Variants in CNOT6L observed in about 807,000 individuals in gnomAD.
CNOT6L encodes the protein CCR4-NOT transcription complex subunit 6-like.
Under a neutral mutation model 64.0 loss-of-function variants are expected in CNOT6L, and 7 were observed. The ratio of observed to expected loss-of-function variants is 0.11; its 90% CI spans 0.06 to 0.21. The LOEUF is 0.21. Among genes scored for constraint, CNOT6L ranks in the 10% least tolerant of loss-of-function variants. The pLI, the probability that CNOT6L is intolerant of heterozygous loss-of-function variation, is 1.00. For synonymous variants in CNOT6L, 193 were observed against 243.4 expected (o/e 0.79, Z 1.93); for missense variants, 245 against 669.0 (o/e 0.37, Z 6.99).
At chr4:77,731,262 C>G (rs1722416358) in intron 9 of CNOT6L, 125 bp downstream of exon 9, 2 of 835,946 alleles carry the variant, frequency 2.4e-6, no homozygotes, top group South Asian at 1.7e-5. Context: ...GCCCATCTCC[C>G]TTAACTTTCC....
chr4:77,776,997 CAG>C (rs567436108), intron 1 of CNOT6L, among the ~76,000 whole-genome samples: 167 of 152,298 alleles, frequency 1.1e-3, no homozygotes, highest in African/African-American at 3.8e-3. Context: ...GTCTGGAAAA[CAG>C]AAAAACAAAG....
chr4:77,741,078 G>C (rs1237650135), intron 8 of CNOT6L, among the ~76,000 whole-genome samples: 2 of 152,110 alleles, frequency 1.3e-5, no homozygotes, highest in Non-Finnish European at 2.9e-5. Context: ...AGTTTTAATA[G>C]AATTATTCTA....
At chr4:77,820,135 C>G (rs1172938896), upstream of CNOT6L, among the ~76,000 whole-genome samples, 1 of 152,088 alleles carries the variant, frequency 6.6e-6, no homozygotes, top group Non-Finnish European at 1.5e-5. Context: ...TGCCTTCGCT[C>G]CCGCTCACAC....
intron 1 of CNOT6L, among the ~76,000 whole-genome samples, chr4:77,796,114 G>A (rs956834888): frequency 2.6e-5 from 4 of 152,016 alleles, no homozygotes; most frequent in Non-Finnish European, 5.9e-5. Flanking sequence ...CAGGTAGTAA[G>A]CATAATATCT....
At chr4:77,727,562 CAAAAAAAAAAAAAAAAAAAAAAAAAA>C (rs55848621) in intron 10 of CNOT6L, among the ~76,000 whole-genome samples, 1 of 84,590 alleles carries the variant, frequency 1.2e-5, no homozygotes, top group African/African-American at 4.9e-5. Context: ...AACTCTGTCT[CAAAAAAAAAAAAAAAAAAAAAAAAAA>C]AAAAAAAGGA....
chr4:77,806,483 G>T (rs187268690), intron 1 of CNOT6L, among the ~76,000 whole-genome samples: 162 of 151,968 alleles, frequency 1.1e-3, no homozygotes, highest in Non-Finnish European at 2.1e-3. Flanking sequence ...TCATTCCATG[G>T]TTCCCAATGT....
chr4:77,720,658 G>T lies in CNOT6L; in HGVS notation c.1456-15C>A. On this transcript the variant is annotated splice_polypyrimidine_tract_variant and intron_variant, in intron 11 of 11. Coordinates refer to ENST00000504123, the MANE Select transcript of CNOT6L (RefSeq NM_144571.3). ...TCAATCACGCCCTGGAAAGAGATTGGGAATAGGAAAAAAAGAAAAATTCAA... is the reference window on the plus strand; with the variant it reads ...TCAATCACGCCCTGGAAAGAGATTGTGAATAGGAAAAAAAGAAAAATTCAA... 6.2e-7 allele frequency: 1 copy of T among 1,609,720 alleles called. No individual in the cohort carries two copies. Among genetic ancestry groups the T allele is most frequent in the Non-Finnish European group, 8.5e-7 (1 of 1,177,820 alleles).
At chr4:77,809,154 C>T (rs1032907955) in intron 1 of CNOT6L, among the ~76,000 whole-genome samples, 4 of 152,106 alleles carry the variant, frequency 2.6e-5, no homozygotes, top group African/African-American at 7.2e-5. Flanking sequence ...AATGAGTTTC[C>T]GTAGAGCTGG....
At chr4:77,789,044 A>T (rs1729781679) in intron 1 of CNOT6L, among the ~76,000 whole-genome samples, 2 of 152,188 alleles carry the variant, frequency 1.3e-5, no homozygotes, top group African/African-American at 4.8e-5. Context: ...ACTACAATGA[A>T]GATAATGTTT....
At chr4:77,737,403 G>GTTTTTT (rs1723076948) in intron 8 of CNOT6L, among the ~76,000 whole-genome samples, 3 of 116,048 alleles carry the variant, frequency 2.6e-5, no homozygotes, top group African/African-American at 1.0e-4. Flanking sequence ...TATTTGTACC[G>GTTTTTT]TTCTTTTTTT....
intron 1 of CNOT6L, among the ~76,000 whole-genome samples, chr4:77,806,776 G>A (rs1403848157): frequency 2.0e-5 from 3 of 152,024 alleles, no homozygotes; most frequent in Non-Finnish European, 4.4e-5. Flanking sequence ...TTAACCTCAT[G>A]TTCCCACTCG....
In CNOT6L at chr4:77,720,333, G is replaced by C; in HGVS notation, c.*98C>G. 1 of 1,269,290 alleles carries C rather than the reference G, an allele frequency of 7.9e-7. No homozygotes were observed. Among genetic ancestry groups the C allele is most frequent in the South Asian group, 1.4e-5 (1 of 70,642 alleles). 78.6% of individuals were successfully genotyped at this position (1,269,290 alleles called of 1,614,324 possible). ...CACATAATGAAAGAAACCTGAAGAA[G>C]CAGCTTAAGGATGGCCATACTTCAC... On this transcript the variant is annotated 3_prime_UTR_variant, in exon 12 of 12. Transcript: ENST00000504123.
chr4:77,716,417 G>C lies in CNOT6L; in HGVS notation c.*4014C>G, dbSNP rs1720752888. The C allele has an allele frequency of 6.6e-6, 1 of 152,038 alleles. No homozygotes were observed. The highest frequency in any genetic ancestry group is 6.6e-5 in the Admixed American group (1 of 15,236). 9.4% of individuals were successfully genotyped at this position (152,038 alleles called of 1,614,324 possible). ...CATAATGATGTGGTTATATGCCTCT[G>C]GTTCTTCAAAGAATGTATTTAGCCT... On this transcript the variant is annotated 3_prime_UTR_variant, in exon 12 of 12. Transcript: ENST00000504123.
At chr4:77,739,619 T>C (rs907307268) in intron 8 of CNOT6L, among the ~76,000 whole-genome samples, 1 of 152,196 alleles carries the variant, frequency 6.6e-6, no homozygotes, top group Non-Finnish European at 1.5e-5. Context: ...GGTTTTGTTC[T>C]ACCTATAGGA....
At chr4:77,792,950 G>C (rs1008065081) in intron 1 of CNOT6L, among the ~76,000 whole-genome samples, 1 of 150,286 alleles carries the variant, frequency 6.7e-6, no homozygotes, top group Non-Finnish European at 1.5e-5. Flanking sequence ...GCTTGGCAGG[G>C]GTGCTACTGG....
rs1720970945 is a variant in CNOT6L at position 77,718,486 on chromosome 4, T to C, written c.*1945A>G. 1 of 152,624 alleles carries C rather than the reference T, an allele frequency of 6.6e-6. No individual in the cohort carries two copies. Among genetic ancestry groups the C allele is most frequent in the Non-Finnish European group, 1.5e-5 (1 of 68,036 alleles). 9.5% of individuals were successfully genotyped at this position (152,624 alleles called of 1,614,324 possible). ...TGTCATCTTAAGGGTTGTTTCTTTTTGTTTGTTTATCCTGGTACTTTAACA... is the reference window on the plus strand; with the variant it reads ...TGTCATCTTAAGGGTTGTTTCTTTTCGTTTGTTTATCCTGGTACTTTAACA... On this transcript the variant is annotated 3_prime_UTR_variant, in exon 12 of 12. Transcript: ENST00000504123.
chr4:77,794,274 T>G (rs1163383064), intron 1 of CNOT6L, among the ~76,000 whole-genome samples: 1 of 147,134 alleles, frequency 6.8e-6, no homozygotes, highest in Non-Finnish European at 1.5e-5. Flanking sequence ...CAATTCCACA[T>G]AAACTCTTCC....
chr4:77,815,988 C>A (rs1026093014), intron 1 of CNOT6L, among the ~76,000 whole-genome samples: 1 of 152,138 alleles, frequency 6.6e-6, no homozygotes, highest in Non-Finnish European at 1.5e-5. Context: ...TTAGCATTAC[C>A]CAAAGTAATA....
At chr4:77,788,006 T>C (rs978489061) in intron 1 of CNOT6L, among the ~76,000 whole-genome samples, 4 of 152,226 alleles carry the variant, frequency 2.6e-5, no homozygotes, top group African/African-American at 9.6e-5. Flanking sequence ...TGATCTCCAA[T>C]ACTAGTATCA....
Sources: allele counts gnomAD v4.1 joint callset (sites outside exome capture counted in the v4.1 genomes callset), GRCh38; gene constraint gnomAD v4.1.1; transcripts MANE v1.5; gene names NCBI Gene and HGNC (gene_info 2026-07-23, HGNC 2026-07-21).